SPDL1: variants seen among roughly 807,000 people sequenced by gnomAD.
SPDL1 encodes the protein spindle apparatus coiled-coil protein 1, also known as protein Spindly.
A neutral mutation model predicts 79.5 loss-of-function variants in SPDL1; 85 were observed. The ratio of observed to expected loss-of-function variants is 1.07; its 90% confidence interval spans 0.90 to 1.28. SPDL1 has a LOEUF of 1.28. SPDL1 is among the 50% of genes most tolerant of loss of function. SPDL1 has a pLI of 0.00. For missense variants in SPDL1, 703 were observed against 697.8 expected (o/e 1.01, Z -0.08); for synonymous variants, 269 against 240.3 (o/e 1.12, Z -1.10).
At chr5:169,592,827 T>TTTTTTTTTTTTTTTTTTTTTTTTTA (rs1755366421) in intron 3 of SPDL1, among the ~76,000 whole-genome samples, 1 of 123,020 alleles carries the variant, frequency 8.1e-6, no homozygotes, top group Non-Finnish European at 1.8e-5. Flanking sequence ...TTTTTTTTTT[T>TTTTTTTTTTTTTTTTTTTTTTTTTA]GGTGGAGCAA....
chr5:169,589,816 C>G (rs907280844), intron 2 of SPDL1, among the ~76,000 whole-genome samples: 2 of 152,012 alleles, frequency 1.3e-5, no homozygotes, highest in African/African-American at 4.8e-5. Context: ...ATTCTCCTAC[C>G]TCAGCCTTCC....
chr5:169,588,377 A>T lies in SPDL1; in HGVS notation c.-23-17A>T. On this transcript the variant is annotated splice_polypyrimidine_tract_variant and intron_variant, in intron 1 of 11. Coordinates refer to ENST00000265295, the MANE Select transcript of SPDL1 (RefSeq NM_017785.5). ...TTTTTGTATAAGCTTAAGTAGTTTTATTTCCTCTATTTACAGTTGGCTAAA... is the reference window on the plus strand; with the variant it reads ...TTTTTGTATAAGCTTAAGTAGTTTTTTTTCCTCTATTTACAGTTGGCTAAA... The T allele has an allele frequency of 1.3e-6, 2 of 1,551,170 alleles. No homozygotes were observed. The highest frequency in any genetic ancestry group is 1.7e-6 in the Non-Finnish European group (2 of 1,149,690).
chr5:169,585,814 A>T (rs965548130), intron 1 of SPDL1: 4 of 152,240 alleles, frequency 2.6e-5, no homozygotes, highest in Admixed American at 2.6e-4. Flanking sequence ...AAATTGAAGC[A>T]GTTAAAAGGT....
At position 169,594,407 on chromosome 5, in the gene SPDL1, C is replaced by T. The variant is rs757657254; in HGVS notation, c.695C>T (p.Ala232Val). 76 of 1,614,020 alleles carry T rather than the reference C, an allele frequency of 4.7e-5. 1 individual carries two copies. The highest frequency in any genetic ancestry group is 3.3e-4 in the Middle Eastern group (2 of 6,062). Residue 232 changes from alanine (A) to valine (V), a missense_variant, in exon 6 of 12, where the codon GCA (alanine) becomes GTA (valine). By Grantham distance (64) the Ala-to-Val change is moderately conservative. Coordinates refer to ENST00000265295, the MANE Select transcript of SPDL1 (RefSeq NM_017785.5). Reference sequence around the variant, plus strand: ...TTTTGAATTTAGAAAGCTCGTGTAGCAAATCAAGATCTTCAGGTACAGTTG... The same window carrying T: ...TTTTGAATTTAGAAAGCTCGTGTAGTAAATCAAGATCTTCAGGTACAGTTG... ...YYNALEKARV[A>V]NQDLQVQLDQ...
chr5:169,588,273 A>T (rs909497279), intron 1 of SPDL1, 121 bp from the exon 2 acceptor site: 2 of 633,944 alleles, frequency 3.2e-6, no homozygotes, highest in African/African-American at 3.8e-5. Flanking sequence ...ATTAGTCAGG[A>T]AGAAAATTTT....
intron 3 of SPDL1, among the ~76,000 whole-genome samples, chr5:169,591,858 A>G (rs938463618): frequency 6.6e-6 from 1 of 152,232 alleles, no homozygotes; most frequent in African/African-American, 2.4e-5. Flanking sequence ...GTCTAACAGC[A>G]TGTTACACTG....
At chr5:169,592,914 CT>C (rs1223314361) in intron 3 of SPDL1, among the ~76,000 whole-genome samples, 1 of 146,464 alleles carries the variant, frequency 6.8e-6, no homozygotes, top group African/African-American at 2.5e-5. Flanking sequence ...TTTTTAATAC[CT>C]TTTCTTCTCT....
At chr5:169,590,136 T>C (rs1272461044) in intron 2 of SPDL1, among the ~76,000 whole-genome samples, 1 of 152,232 alleles carries the variant, frequency 6.6e-6, no homozygotes, top group Non-Finnish European at 1.5e-5. Flanking sequence ...TAAATCTGGG[T>C]AATTTAGCAA....
At chr5:169,595,426 T>C (rs563316689) in intron 7 of SPDL1, 2 of 152,390 alleles carry the variant, frequency 1.3e-5, no homozygotes, top group East Asian at 3.9e-4. Context: ...TGTCACTTGC[T>C]AGCTCTGTGA....
intron 7 of SPDL1, 32 bp from the exon 8 acceptor site, chr5:169,596,524 CTTAAT>C: frequency 6.4e-7 from 1 of 1,565,790 alleles, no homozygotes; most frequent in Non-Finnish European, 8.7e-7. Context: ...CTTTCTCTCA[CTTAAT>C]TTTATTAGAG....
Position 169,604,319 on chromosome 5 carries a change from A to G in SPDL1, c.*112A>G. ...TTCTGGGTTATTTACTCATTGTGCCAGGACCTGGCATTTTCATGTGCCTTT... is the reference window on the plus strand; with the variant it reads ...TTCTGGGTTATTTACTCATTGTGCCGGGACCTGGCATTTTCATGTGCCTTT... On this transcript the variant is annotated 3_prime_UTR_variant, in exon 12 of 12. Transcript: ENST00000265295. 2 of 1,112,490 alleles carry G rather than the reference A, an allele frequency of 1.8e-6. No individual in the cohort carries two copies. Among genetic ancestry groups the G allele is most frequent in the East Asian group, 2.8e-5 (1 of 36,042 alleles). 68.9% of individuals were successfully genotyped at this position (1,112,490 alleles called of 1,614,324 possible). A position where few individuals can be genotyped will look rare whatever the true frequency, so the allele number is the denominator to read the frequency against.
Position 169,594,422 on chromosome 5 carries a change from A to G in SPDL1, c.710A>G (p.Gln237Arg). 6.2e-7 allele frequency: 1 copy of G among 1,614,126 alleles called. No homozygotes were observed. The highest frequency in any genetic ancestry group is 8.5e-7 in the Non-Finnish European group (1 of 1,179,960). Residue 237 changes from glutamine (Q) to arginine (R), a missense_variant, in exon 6 of 12, where the codon CAG becomes CGG. Physicochemically the swap from Gln to Arg is conservative, Grantham distance 43. Coordinates refer to ENST00000265295, the MANE Select transcript of SPDL1 (RefSeq NM_017785.5). ...EKARVANQDL[Q>R]VQLDQALQQA... ...GCTCGTGTAGCAAATCAAGATCTTC[A>G]GGTACAGTTGGACCAGGCACTCCAG...
At chr5:169,594,369 C>A in intron 5 of SPDL1, 25 bp from the exon 6 acceptor site, 1 of 1,613,022 alleles carries the variant, frequency 6.2e-7, no homozygotes, top group Non-Finnish European at 8.5e-7. Flanking sequence ...TCTCTGTTGC[C>A]TAAATTGTTT....
intron 3 of SPDL1, among the ~76,000 whole-genome samples, chr5:169,592,707 G>A (rs1416081006): frequency 1.3e-5 from 2 of 151,056 alleles, no homozygotes; most frequent in Admixed American, 6.6e-5. Flanking sequence ...TCCCCCTCTG[G>A]TTGTTATTTT....
At position 169,591,673 on chromosome 5, in the gene SPDL1, G is replaced by T. The variant is rs185167782; in HGVS notation, c.336+449G>T. 3.3e-5 allele frequency among the ~76,000 whole-genome samples: 5 copies of T among 152,342 alleles called. No homozygotes were observed. The East Asian group carries it at 9.6e-4, about 29-fold the overall frequency. ...AGGATAAACTAATACATGTGCTCCAGTTCTTACAATAATATTGTGGAAAGG... is the reference window on the plus strand; with the variant it reads ...AGGATAAACTAATACATGTGCTCCATTTCTTACAATAATATTGTGGAAAGG... On this transcript the variant is annotated intron_variant, in intron 3 of 11. Transcript: ENST00000265295.
intron 2 of SPDL1, among the ~76,000 whole-genome samples, chr5:169,589,559 CTT>C (rs11313055): frequency 1.3e-4 from 18 of 140,670 alleles, no homozygotes; most frequent in Non-Finnish European, 1.7e-4. Context: ...CAGCTATTGC[CTT>C]TTTTTTTTTT....
intron 3 of SPDL1, among the ~76,000 whole-genome samples, chr5:169,592,773 C>G (rs1056535204): frequency 7.2e-6 from 1 of 139,786 alleles, no homozygotes. Context: ...AGGGAGTATT[C>G]AGGACTGAGG....
intron 3 of SPDL1, among the ~76,000 whole-genome samples, chr5:169,592,539 A>G (rs1017209139): frequency 1.3e-5 from 2 of 152,080 alleles, no homozygotes; most frequent in Middle Eastern, 6.8e-3. Flanking sequence ...AAGCTTGCTT[A>G]TTTTTTCCCA....
At chr5:169,597,653 A>G (rs931994325) in intron 8 of SPDL1, among the ~76,000 whole-genome samples, 17 of 152,190 alleles carry the variant, frequency 1.1e-4, no homozygotes, top group Non-Finnish European at 2.5e-4. Context: ...AAATTGACTT[A>G]GGGAACATTG....
Sources: gnomAD v4.1 joint callset for allele counts (sites outside exome capture counted in the v4.1 genomes callset) on GRCh38, gnomAD v4.1.1 for gene constraint, MANE v1.5 for transcripts, NCBI Gene and HGNC (gene_info 2026-07-23, HGNC 2026-07-21) for gene names.